The following OTOA variants were observed in gnomAD, a reference collection of about 807,000 sequenced individuals.
OTOA encodes cancer/testis antigen 108.
OTOA carries 70 observed loss-of-function variants against 110.8 expected under a neutral mutation model. The observed-to-expected ratio is 0.63, with a 90% CI of 0.52 to 0.77. OTOA has a LOEUF of 0.77. Among genes scored for constraint, OTOA ranks in the 30% least tolerant of loss-of-function variants. The probability of loss-of-function intolerance (pLI) is 0.00; values close to 1 mark genes in which losing one functional copy is unlikely to be tolerated. For synonymous variants in OTOA, 373 were observed against 431.5 expected (o/e 0.86, Z 1.68); for missense variants, 917 against 1,075.8 (o/e 0.85, Z 2.06).
chr16:21,678,658 T>C (rs1427438391), intron 2 of OTOA, 53 bp downstream of exon 2: 1 of 1,491,650 alleles, frequency 6.7e-7, no homozygotes, highest in Non-Finnish European at 9.4e-7. Flanking sequence ...GTTTAGGGAA[T>C]GAGGTGGGAT....
chr16:21,677,724 C>T (rs951129283), intron 1 of OTOA, among the ~76,000 whole-genome samples: 17 of 151,826 alleles, frequency 1.1e-4, no homozygotes, highest in South Asian at 2.1e-4. Flanking sequence ...CCTCATGATC[C>T]GCCCACCTCA....
chr16:21,730,747 A>C lies in OTOA; in HGVS notation c.2208-90A>C, dbSNP rs464417. On this transcript the variant is annotated intron_variant, in intron 20 of 28. Transcript: ENST00000646100. ...GATTGACATGAGTATAAGACAATCTATTCCTGAAAGAAAAGGGTGCTGGGG... is the reference window on the plus strand; with the variant it reads ...GATTGACATGAGTATAAGACAATCTCTTCCTGAAAGAAAAGGGTGCTGGGG... 13 of 947,640 alleles carry C rather than the reference A, an allele frequency of 1.4e-5. No individual in the cohort carries two copies. In the South Asian group the frequency reaches 1.8e-4, roughly 13 times the overall value. The allele number at this position is 947,640 out of a possible 1,614,324, so 58.7% of individuals were successfully genotyped here. A position where few individuals can be genotyped will look rare whatever the true frequency, so the allele number is the denominator to read the frequency against.
chr16:21,675,539 C>T (rs1966856186), intron 1 of OTOA, among the ~76,000 whole-genome samples: 1 of 151,884 alleles, frequency 6.6e-6, no homozygotes, highest in Non-Finnish European at 1.5e-5. Context: ...TCATATTGCT[C>T]CAGAGCCCTC....
intron 22 of OTOA, among the ~76,000 whole-genome samples, chr16:21,736,969 G>A (rs1342194405): frequency 1.3e-5 from 2 of 152,310 alleles, no homozygotes; most frequent in African/African-American, 4.8e-5. Flanking sequence ...TGGATTAGTG[G>A]TTTAACATAG....
In OTOA at chr16:21,716,936, C is replaced by T; in HGVS notation, c.1518C>T (p.Gly506=). 1 of 1,614,036 alleles carries T rather than the reference C, an allele frequency of 6.2e-7. No homozygotes were observed. The highest frequency in any genetic ancestry group is 8.5e-7 in the Non-Finnish European group (1 of 1,179,988). The change falls in exon 15 of 29, where the codon GGC becomes GGT. Residue 506 remains glycine (G), a synonymous_variant. Transcript: ENST00000646100. ...TCCAAGCGGAAGACACTGCCCCAGG[C>T]ATCGTGGAGATACAAGGGGCTTTCT... is the stretch of plus-strand genomic sequence containing the variant. The part of the protein sequence containing the change: ...KMVQAEDTAP[G]IVEIQGAFFK...
At chr16:21,717,374 C>T (rs1898589734) in intron 15 of OTOA, among the ~76,000 whole-genome samples, 2 of 151,938 alleles carry the variant, frequency 1.3e-5, no homozygotes, top group Admixed American at 6.6e-5. Context: ...ATGGGAGTTC[C>T]GCAATGCAGT....
chr16:21,736,449 G>A, intron 22 of OTOA, 59 bp downstream of exon 22: 2 of 1,607,124 alleles, frequency 1.2e-6, no homozygotes, highest in South Asian at 1.1e-5. Flanking sequence ...TTTTGGGCAG[G>A]GTCCCTGACA....
At chr16:21,710,831 C>T (rs1273292256) in intron 13 of OTOA, among the ~76,000 whole-genome samples, 2 of 152,032 alleles carry the variant, frequency 1.3e-5, no homozygotes, top group African/African-American at 2.4e-5. Flanking sequence ...GGTGAAATCC[C>T]GTCTCTACTA....
At chr16:21,720,947 A>T (rs1330597184) in intron 17 of OTOA, among the ~76,000 whole-genome samples, 4 of 118,416 alleles carry the variant, frequency 3.4e-5, no homozygotes, top group Non-Finnish European at 7.5e-5. Flanking sequence ...TTGAGACAGG[A>T]CCTTGCTCTG....
In OTOA at chr16:21,664,131, C is replaced by G. The variant is rs928679277; in HGVS notation, c.-106C>G. ...GCAGAGCTGCCGGCTGGCGCCGCCCCGCCGCTCTCCTGCCTGCCCGCTCCC... is the reference window on the plus strand; with the variant it reads ...GCAGAGCTGCCGGCTGGCGCCGCCCGGCCGCTCTCCTGCCTGCCCGCTCCC... On this transcript the variant is annotated 5_prime_UTR_variant, in exon 1 of 29. Transcript: ENST00000646100. 6.6e-6 allele frequency: 1 copy of G among 152,260 alleles called. No individual in the cohort carries two copies. Among genetic ancestry groups the G allele is most frequent in the South Asian group, 2.1e-4 (1 of 4,856 alleles). 9.4% of individuals were successfully genotyped at this position (152,260 alleles called of 1,614,324 possible). A position where few individuals can be genotyped will look rare whatever the true frequency, so the allele number is the denominator to read the frequency against.
intron 6 of OTOA, 152 bp from the exon 7 acceptor site, chr16:21,685,078 A>G: frequency 9.4e-7 from 1 of 1,069,430 alleles, no homozygotes; most frequent in Non-Finnish European, 1.4e-6. Flanking sequence ...GCGGCTAATG[A>G]GGAAATTTGG....
chr16:21,721,070 A>G (rs1898718735), intron 17 of OTOA, among the ~76,000 whole-genome samples: 1 of 151,466 alleles, frequency 6.6e-6, no homozygotes, highest in African/African-American at 2.4e-5. Flanking sequence ...GCGCACCACC[A>G]CACCTGGCTA....
chr16:21,696,789 A>G (rs1206963356), intron 9 of OTOA, among the ~76,000 whole-genome samples: 1 of 152,070 alleles, frequency 6.6e-6, no homozygotes, highest in Admixed American at 6.6e-5. Flanking sequence ...ATCTGGCCTC[A>G]TGTTTCCAGA....
chr16:21,678,206 A>G (rs1166116835), intron 1 of OTOA, among the ~76,000 whole-genome samples: 2 of 151,898 alleles, frequency 1.3e-5, no homozygotes, highest in East Asian at 1.9e-4. Flanking sequence ...TTTTGACTAT[A>G]CCTTTTTGCT....
At chr16:21,668,610 G>A (rs932014959) in intron 1 of OTOA, among the ~76,000 whole-genome samples, 11 of 151,222 alleles carry the variant, frequency 7.3e-5, no homozygotes, top group Middle Eastern at 3.5e-3. Context: ...ATTAGCATGC[G>A]CCACCATGCC....
intron 21 of OTOA, 116 bp from the exon 22 acceptor site, chr16:21,736,145 A>T: frequency 2.2e-6 from 2 of 909,166 alleles, no homozygotes; most frequent in Non-Finnish European, 1.8e-6. Flanking sequence ...TTATATGAGA[A>T]GTTGCTATAA....
intron 10 of OTOA, among the ~76,000 whole-genome samples, chr16:21,699,410 A>G (rs1362172965): frequency 6.6e-6 from 1 of 151,410 alleles, no homozygotes; most frequent in African/African-American, 2.4e-5. Flanking sequence ...CCAAGGCGGG[A>G]GGATCACTTG....
chr16:21,732,139 T>C (rs990835613), intron 21 of OTOA, among the ~76,000 whole-genome samples: 3 of 151,986 alleles, frequency 2.0e-5, no homozygotes, highest in African/African-American at 7.3e-5. Flanking sequence ...CTAATTTTTA[T>C]ATTTTTAGTA....
rs1447630021 is a variant in OTOA, at chr16:21,760,527, A to T, written c.3407A>T (p.Lys1136Met). The change falls in exon 29 of 29, where the codon AAG (lysine) becomes ATG (methionine). Residue 1136 changes from lysine to methionine, a missense_variant. Coordinates refer to ENST00000646100, the MANE Select transcript of OTOA (RefSeq NM_144672.4). Reference protein sequence around the residue: ...LGCPLLVLMAKLLW With the variant: ...LGCPLLVLMAMLLW ...TGTCCCCTGCTGGTTCTAATGGCCA[A>T]GCTCCTGTGGTGAGTGGCCTGAGCG... 2.5e-6 allele frequency: 4 copies of T among 1,606,438 alleles called. No individual in the cohort carries two copies. The highest frequency in any genetic ancestry group is 2.5e-6 in the Non-Finnish European group (3 of 1,176,940).
Sources: gnomAD v4.1 joint callset for allele counts (sites outside exome capture counted in the v4.1 genomes callset) on GRCh38, gnomAD v4.1.1 for gene constraint, MANE v1.5 for transcripts, NCBI Gene and HGNC (gene_info 2026-07-23, HGNC 2026-07-21) for gene names.